The following DOCK3 variants were observed in gnomAD, a reference collection of about 807,000 sequenced individuals.
DOCK3 encodes the protein dedicator of cytokinesis 3.
DOCK3 carries 60 observed loss-of-function variants against 265.6 expected under a neutral mutation model. That is an observed-to-expected ratio of 0.23 (90% CI 0.18 to 0.28). The LOEUF (loss-of-function observed/expected upper bound fraction) is 0.28, where lower values mean the gene tolerates loss of function less well. Ranked by LOEUF, DOCK3 falls within the 10% of genes least tolerant of loss-of-function variation. The pLI, the probability that DOCK3 is intolerant of heterozygous loss-of-function variation, is 1.00. For synonymous variants in DOCK3, 881 were observed against 938.0 expected (o/e 0.94, Z 1.11); for missense variants, 1,981 against 2,594.3 (o/e 0.76, Z 5.14).
Position 50,750,617 on chromosome 3 carries a change from C to T in DOCK3, c.38-28058C>T, listed in dbSNP as rs530982325. Among the ~76,000 whole-genome samples the T allele has an allele frequency of 9.9e-5, 15 of 152,250 alleles. No individual in the cohort carries two copies. The East Asian group carries it at 2.3e-3, about 24-fold the overall frequency. ...TGCTGGGATTACAGTCGTGAGCTAC[C>T]GCGCCTGGCCTACCTTTGCTTTTGC... On this transcript the variant is annotated intron_variant, in intron 1 of 52. Coordinates refer to ENST00000266037, the MANE Select transcript of DOCK3 (RefSeq NM_004947.5).
At chr3:50,785,519 T>C (rs1033047912) in intron 2 of DOCK3, among the ~76,000 whole-genome samples, 2 of 152,238 alleles carry the variant, frequency 1.3e-5, no homozygotes, top group African/African-American at 4.8e-5. Flanking sequence ...GTTTTAATCA[T>C]AAAGGATGCT....
At chr3:51,204,399 A>T in intron 12 of DOCK3, among the ~76,000 whole-genome samples, 1 of 144,868 alleles carries the variant, frequency 6.9e-6, no homozygotes, top group Admixed American at 7.1e-5. Flanking sequence ...TATGCAGCCA[A>T]AAAACACATG....
At chr3:51,081,523 ACT>A (rs1322657163) in intron 7 of DOCK3, among the ~76,000 whole-genome samples, 1 of 152,074 alleles carries the variant, frequency 6.6e-6, no homozygotes, top group Non-Finnish European at 1.5e-5. Context: ...GTCTGCTCAA[ACT>A]CTGTGAGGTT....
At chr3:51,334,265 G>C (rs1211520158) in intron 35 of DOCK3, among the ~76,000 whole-genome samples, 1 of 152,200 alleles carries the variant, frequency 6.6e-6, no homozygotes, top group Non-Finnish European at 1.5e-5. Flanking sequence ...CAGGGTTCAG[G>C]TGATGGCTGA....
intron 43 of DOCK3, 75 bp downstream of exon 43, chr3:51,356,568 G>A (rs1252360980): frequency 1.1e-5 from 17 of 1,485,748 alleles, no homozygotes; most frequent in African/African-American, 1.4e-5. Context: ...CTTCTCTAAG[G>A]ACTAAAGAAA....
chr3:50,877,516 T>C, intron 3 of DOCK3: 1 of 520,170 alleles, frequency 1.9e-6, no homozygotes, highest in Admixed American at 1.9e-5. Context: ...AGTGTTTGGC[T>C]TCTGTAATGT....
chr3:50,722,518 T>C (rs945757424), intron 1 of DOCK3, among the ~76,000 whole-genome samples: 2 of 152,186 alleles, frequency 1.3e-5, no homozygotes, highest in Admixed American at 1.3e-4. Flanking sequence ...AGAAGTATTA[T>C]TTCCTTTAGC....
chr3:51,329,314 G>C (rs953604662), intron 32 of DOCK3, among the ~76,000 whole-genome samples: 2 of 152,176 alleles, frequency 1.3e-5, no homozygotes, highest in Middle Eastern at 3.2e-3. Flanking sequence ...GTGATGGGTT[G>C]ATAGGTGCAG....
intron 3 of DOCK3, among the ~76,000 whole-genome samples, chr3:50,849,991 A>G (rs1275830938): frequency 6.6e-6 from 1 of 151,846 alleles, no homozygotes; most frequent in Non-Finnish European, 1.5e-5. Flanking sequence ...TTTCAATTGT[A>G]TTTTGAAATT....
chr3:51,076,553 C>T (rs959246099), intron 7 of DOCK3, among the ~76,000 whole-genome samples: 2 of 152,150 alleles, frequency 1.3e-5, no homozygotes, highest in Non-Finnish European at 2.9e-5. Flanking sequence ...TCTCCCAGGA[C>T]AATGCAAGTA....
At chr3:51,145,133 A>G (rs939887060) in intron 9 of DOCK3, among the ~76,000 whole-genome samples, 7 of 152,152 alleles carry the variant, frequency 4.6e-5, no homozygotes, top group African/African-American at 1.7e-4. Flanking sequence ...TTAAATTCTG[A>G]TTGTAGCTTT....
intron 5 of DOCK3, among the ~76,000 whole-genome samples, chr3:50,990,532 A>G (rs1353304799): frequency 6.6e-6 from 1 of 152,182 alleles, no homozygotes; most frequent in African/African-American, 2.4e-5. Context: ...AAAATTCTTC[A>G]ACTAAGAATT....
chr3:51,362,694 A>G lies in DOCK3; in HGVS notation c.5293+20A>G, dbSNP rs373854897. 5.7e-5 allele frequency: 91 copies of G among 1,610,542 alleles called. No homozygotes were observed. The African/African-American group carries it at 8.5e-4, about 15-fold the overall frequency. ...CCCGAGGTAAGGATGGCAGGGTGCT[A>G]CTTGCAGAATGGAGAAGAGAGGTCT... is the stretch of plus-strand genomic sequence containing the variant. On this transcript the variant is annotated intron_variant, in intron 49 of 52. Coordinates refer to ENST00000266037, the MANE Select transcript of DOCK3 (RefSeq NM_004947.5).
intron 1 of DOCK3, among the ~76,000 whole-genome samples, chr3:50,687,544 A>G (rs59340349): frequency 0.025 from 3,786 of 152,314 alleles, 179 homozygotes; most frequent in African/African-American, 0.087. Context: ...GAAGACATGT[A>G]TGCTCTGCGT....
At chr3:50,978,881 G>A (rs2077582108) in intron 5 of DOCK3, among the ~76,000 whole-genome samples, 1 of 152,236 alleles carries the variant, frequency 6.6e-6, no homozygotes, top group Non-Finnish European at 1.5e-5. Context: ...GAAAAGCGCA[G>A]TATTCGGGTG....
intron 5 of DOCK3, among the ~76,000 whole-genome samples, chr3:51,041,651 C>G (rs2080538128): frequency 6.6e-6 from 1 of 152,116 alleles, no homozygotes; most frequent in Non-Finnish European, 1.5e-5. Context: ...TCTTAGGTAA[C>G]TAGGTGTACT....
intron 6 of DOCK3, among the ~76,000 whole-genome samples, chr3:51,065,962 T>C (rs540233837): frequency 6.6e-6 from 1 of 152,242 alleles, no homozygotes; most frequent in East Asian, 1.9e-4. Context: ...TAAAGTACTT[T>C]AAAACAAAAC....
At chr3:51,016,556 TCATATA>T (rs2079263416) in intron 5 of DOCK3, among the ~76,000 whole-genome samples, 1 of 3,308 alleles carries the variant, frequency 3.0e-4, no homozygotes. Context: ...TTTATATATA[TCATATA>T]TTATATATAT....
At chr3:51,222,461 G>A (rs1017856188) in intron 14 of DOCK3, among the ~76,000 whole-genome samples, 5 of 152,172 alleles carry the variant, frequency 3.3e-5, no homozygotes, top group Non-Finnish European at 1.5e-5. Flanking sequence ...AAGAGAATTC[G>A]TGGAGAGCTT....
Sources: allele counts gnomAD v4.1 joint callset (sites outside exome capture counted in the v4.1 genomes callset), GRCh38; gene constraint gnomAD v4.1.1; transcripts MANE v1.5; gene names NCBI Gene and HGNC (gene_info 2026-07-23, HGNC 2026-07-21).